MED14: variants seen among roughly 807,000 people sequenced by gnomAD.
MED14 encodes mediator complex subunit 14.
MED14 carries 8 observed loss-of-function variants against 109.0 expected under a neutral mutation model. That is an observed-to-expected ratio of 0.07 (90% CI 0.04 to 0.13). The LOEUF is 0.13. Ranked by LOEUF, MED14 falls within the 10% of genes least tolerant of loss-of-function variation. The probability of loss-of-function intolerance (pLI) is 1.00; values close to 1 mark genes in which losing one functional copy is unlikely to be tolerated. For synonymous variants in MED14, 399 were observed against 408.7 expected, an observed-to-expected ratio of 0.98 and a Z score of 0.29; for missense variants, 711 against 1,142.4, an observed-to-expected ratio of 0.62 and a Z score of 5.44.
intron 3 of MED14, among the ~76,000 whole-genome samples, chrX:40,725,600 T>C (rs1270581365): frequency 6.2e-5 from 7 of 112,048 alleles, no homozygotes; most frequent in Non-Finnish European, 5.6e-5. Context: ...TTTCAACTGA[T>C]GCTGAAAACA....
rs1158434384 is a variant in MED14 at position 40,651,566 on chromosome X, G to A, written c.*240C>T. 2.5e-5 allele frequency: 23 copies of A among 905,646 alleles called. No homozygotes were observed. Among genetic ancestry groups the A allele is most frequent in the Admixed American group, 1.8e-4 (3 of 16,294 alleles). The allele number at this position is 905,646 out of a possible 1,213,427, so 74.6% of individuals were successfully genotyped here. A position where few individuals can be genotyped will look rare whatever the true frequency, so the allele number is the denominator to read the frequency against. On this transcript the variant is annotated 3_prime_UTR_variant, in exon 31 of 31. Coordinates refer to ENST00000324817, the MANE Select transcript of MED14 (RefSeq NM_004229.4). ...AATATTAAATTTATTACTGGCAAAC[G>A]GACACTGATTTATTTCCTTTGAAAT...
chrX:40,710,462 G>A lies in MED14; in HGVS notation c.1023-333C>T, dbSNP rs781078038. On this transcript the variant is annotated intron_variant, in intron 8 of 30. Transcript: ENST00000324817. Reference sequence around the variant, plus strand: ...GGGTCATTTGGGATAATAAGATGCCGGGGTGGGGAGAAAAACAGGAATCAA... The same window carrying A: ...GGGTCATTTGGGATAATAAGATGCCAGGGTGGGGAGAAAAACAGGAATCAA... Among the ~76,000 whole-genome samples the A allele has an allele frequency of 3.1e-4, 35 of 111,710 alleles. No homozygotes were observed. The South Asian group carries it at 0.013, about 40-fold the overall frequency.
At position 40,664,452 on chromosome X, in the gene MED14, T is replaced by G; in HGVS notation, c.3303A>C (p.Ser1101=). ...GCCAGTTCCCTGCTCGTCCACTTGG[T>G]GACACCATAGTGTATGGGGAACTAG... The part of the protein sequence containing the change: ...LDPSSPYTMV[S]PSGRAGNWPG... The change falls in exon 25 of 31, where the codon TCA becomes TCC. Residue 1101 remains serine (S), a synonymous_variant. Coordinates refer to ENST00000324817, the MANE Select transcript of MED14 (RefSeq NM_004229.4). The G allele has an allele frequency of 8.5e-7, 1 of 1,176,219 alleles. No homozygotes were observed. Among genetic ancestry groups the G allele is most frequent in the Admixed American group, 2.5e-5 (1 of 40,696 alleles).
Position 40,683,836 on chromosome X carries a change from CACAT to C in MED14, c.2058-844_2058-841del, listed in dbSNP as rs764358005. ...AACTCATTTAACATACATATTGTCA[CACAT>C]ACATCACATATACAAGAGGAATGTA... On this transcript the variant is annotated intron_variant, in intron 16 of 30. Transcript: ENST00000324817. Among the ~76,000 whole-genome samples the C allele has an allele frequency of 3.5e-3, 391 of 112,253 alleles. 1 individual carries two copies. The highest frequency in any genetic ancestry group is 0.012 in the African/African-American group (368 of 30,899).
chrX:40,652,536 C>A lies in MED14; in HGVS notation c.4292-657G>T, dbSNP rs749336927. Among the ~76,000 whole-genome samples, 21 of 111,763 alleles carry A rather than the reference C, an allele frequency of 1.9e-4. No individual in the cohort carries two copies. In the Admixed American group the frequency reaches 2.0e-3, roughly 11 times the overall value. On this transcript the variant is annotated intron_variant, in intron 30 of 30. Coordinates refer to ENST00000324817, the MANE Select transcript of MED14 (RefSeq NM_004229.4). ...TCTATTGGAGTTTTCTCCCAAAATT[C>A]AAGGAAATGGTCAACTTCCAGAGTT...
chrX:40,661,585 A>T (rs1198829984), intron 26 of MED14, among the ~76,000 whole-genome samples: 1 of 112,544 alleles, frequency 8.9e-6, no homozygotes, highest in African/African-American at 3.2e-5. Context: ...AAATAATGAA[A>T]ATGCCTAGAC....
intron 24 of MED14, among the ~76,000 whole-genome samples, chrX:40,666,199 A>G (rs548018592): frequency 1.8e-5 from 2 of 112,124 alleles, no homozygotes; most frequent in South Asian, 7.3e-4. Flanking sequence ...ACAGCTCTGC[A>G]AGAATATCTA....
At chrX:40,726,251 GCTT>G (rs1175760971) in intron 3 of MED14, among the ~76,000 whole-genome samples, 1 of 110,360 alleles carries the variant, frequency 9.1e-6, no homozygotes, top group Non-Finnish European at 1.9e-5. Flanking sequence ...TATACCCTGT[GCTT>G]ATTAGAGGTT....
intron 1 of MED14, among the ~76,000 whole-genome samples, chrX:40,731,710 T>C (rs1035167398): frequency 2.7e-5 from 3 of 112,376 alleles, no homozygotes; most frequent in Admixed American, 9.4e-5. Context: ...AAATATTTGT[T>C]TTTTCTTTAT....
At chrX:40,705,461 T>C (rs1246440965) in intron 10 of MED14, among the ~76,000 whole-genome samples, 1 of 112,216 alleles carries the variant, frequency 8.9e-6, no homozygotes, top group African/African-American at 3.2e-5. Context: ...CAAATCGATG[T>C]ACAATTTTTT....
At chrX:40,712,327 T>G in intron 6 of MED14, 34 bp from the exon 7 acceptor site, 1 of 1,016,006 alleles carries the variant, frequency 9.8e-7, no homozygotes, top group Non-Finnish European at 1.4e-6. Context: ...AGCAGTTAAT[T>G]AAATAGGTGT....
chrX:40,681,140 C>T (rs758981456), intron 19 of MED14, among the ~76,000 whole-genome samples: 3 of 112,179 alleles, frequency 2.7e-5, no homozygotes, highest in South Asian at 3.7e-4. Flanking sequence ...AACAGAAAGG[C>T]GCTAAAACAA....
In MED14 at chrX:40,659,611, C is replaced by A; in HGVS notation, c.3685-4G>T. Reference sequence around the variant, plus strand: ...CATTAGAATTTATCAGCTGCAGCTACAAAACAAGGACACATCAAATTAACA... The same window carrying A: ...CATTAGAATTTATCAGCTGCAGCTAAAAAACAAGGACACATCAAATTAACA... On this transcript the variant is annotated splice_region_variant and splice_polypyrimidine_tract_variant and intron_variant, in intron 26 of 30. Coordinates refer to ENST00000324817, the MANE Select transcript of MED14 (RefSeq NM_004229.4). The A allele has an allele frequency of 5.0e-6, 6 of 1,188,824 alleles. No individual in the cohort carries two copies. The highest frequency in any genetic ancestry group is 6.8e-6 in the Non-Finnish European group (6 of 883,811).
rs1051002663 is a variant in MED14, at chrX:40,664,493, T to C, written c.3266-4A>G. The stretch of plus-strand genomic sequence containing the variant: ...GGGGAACTAGGGTCAAGAGTTCCTA[T>C]AAAAAAGGTAAACAAATGATTCTCA... On this transcript the variant is annotated splice_polypyrimidine_tract_variant and splice_region_variant and intron_variant, in intron 24 of 30. Transcript: ENST00000324817. The C allele has an allele frequency of 9.6e-6, 10 of 1,044,059 alleles. No individual in the cohort carries two copies. Among genetic ancestry groups the C allele is most frequent in the African/African-American group, 7.9e-5 (4 of 50,842 alleles). The allele number at this position is 1,044,059 out of a possible 1,213,427, so 86.0% of individuals were successfully genotyped here.
rs1930057469 is a variant in MED14, at chrX:40,680,074, C to T, written c.2670G>A (p.Met890Ile). ...NAINKLPTVPMLGLTQRTNTA... is the reference protein window; with the variant it reads ...NAINKLPTVPILGLTQRTNTA... ...TATTGGTTCTCTGGGTCAAGCCCAA[C>T]ATCGGCACAGTGGGGAGTTTGTTGA... The change falls in exon 21 of 31, where the codon ATG becomes ATA. Residue 890 changes from methionine to isoleucine, a missense_variant. Around this residue, in one of 8 missense-constraint regions of MED14, gnomAD observed 29 missense variants for 102.4 expected, o/e 0.28. Coordinates refer to ENST00000324817, the MANE Select transcript of MED14 (RefSeq NM_004229.4). The T allele has an allele frequency of 4.1e-6, 5 of 1,211,411 alleles. No homozygotes were observed. The highest frequency in any genetic ancestry group is 5.6e-6 in the Non-Finnish European group (5 of 895,114).
intron 26 of MED14, among the ~76,000 whole-genome samples, chrX:40,662,183 A>G (rs1389203533): frequency 8.9e-6 from 1 of 111,999 alleles, no homozygotes; most frequent in Non-Finnish European, 1.9e-5. Context: ...ATATTTAAAA[A>G]GAAGCTTTTG....
At chrX:40,679,776 T>C (rs1930048114) in intron 21 of MED14, 88 bp downstream of exon 21, 2 of 901,969 alleles carry the variant, frequency 2.2e-6, no homozygotes, top group East Asian at 3.2e-5. Context: ...CAGGAATTTG[T>C]TGCTTTTCCC....
At chrX:40,669,263 T>A (rs1206062173) in intron 23 of MED14, among the ~76,000 whole-genome samples, 1 of 111,753 alleles carries the variant, frequency 8.9e-6, no homozygotes. Context: ...CTTCCTACTA[T>A]ATAAAAACAA....
At chrX:40,663,286 G>T in intron 25 of MED14, 126 bp from the exon 26 acceptor site, 1 of 548,823 alleles carries the variant, frequency 1.8e-6, no homozygotes, top group African/African-American at 2.3e-5. Flanking sequence ...ACTCCTTGTG[G>T]TGTAACAATC....
Sources: gnomAD v4.1 joint callset for allele counts (sites outside exome capture counted in the v4.1 genomes callset) on GRCh38, gnomAD v4.1.1 for gene constraint, gnomAD v4.1.1 regional missense constraint, MANE v1.5 for transcripts, NCBI Gene and HGNC (gene_info 2026-07-23, HGNC 2026-07-21) for gene names.